TTN: variants seen among roughly 807,000 people sequenced by gnomAD.
The protein encoded by TTN is titin.
Under a neutral mutation model 3,223.0 loss-of-function variants are expected in TTN, and 1,525 were observed. The observed-to-expected ratio is 0.47, with a 90% CI of 0.45 to 0.49. The LOEUF (loss-of-function observed/expected upper bound fraction) is 0.49, where lower values mean the gene tolerates loss of function less well. Ranked by LOEUF, TTN falls within the 20% of genes least tolerant of loss-of-function variation. The probability of loss-of-function intolerance (pLI) is 0.00; values close to 1 mark genes in which losing one functional copy is unlikely to be tolerated. For synonymous variants in TTN, 14,094 were observed against 15,161.0 expected, an observed-to-expected ratio of 0.93 and a Z score of 5.17; for missense variants, 40,786 against 43,424.0, an observed-to-expected ratio of 0.94 and a Z score of 5.40.
At position 178,728,714 on chromosome 2, in the gene TTN, C is replaced by T; in HGVS notation, c.19212G>A (p.Leu6404=). 6.2e-7 allele frequency: 1 copy of T among 1,612,630 alleles called. No individual in the cohort carries two copies. The highest frequency in any genetic ancestry group is 1.1e-5 in the South Asian group (1 of 91,030). Residue 6404 remains leucine (L), a synonymous_variant, in exon 66 of 363, where the codon TTG becomes TTA. Coordinates refer to ENST00000589042, the MANE Select transcript of TTN (RefSeq NM_001267550.2). ...VDVTEKDPMT[L]ECVVAGTPEL... Reference sequence around the variant, plus strand: ...CTGGTGTTCCAGCCACAACACATTCCAAGGTCATGGGATCTTTCTCCGTAA... The same window carrying T: ...CTGGTGTTCCAGCCACAACACATTCTAAGGTCATGGGATCTTTCTCCGTAA...
rs1178377744 is a variant in TTN, at chr2:178,608,450, A to G, written c.52433T>C (p.Ile17478Thr). 5 of 1,605,390 alleles carry G rather than the reference A, an allele frequency of 3.1e-6. No individual in the cohort carries two copies. Among genetic ancestry groups the G allele is most frequent in the South Asian group, 1.1e-5 (1 of 89,768 alleles). The change falls in exon 275 of 363, where the codon ATT becomes ACT. Residue 17478 changes from isoleucine to threonine, a missense_variant. By Grantham distance (89) the Ile-to-Thr change is moderately conservative. Coordinates refer to ENST00000589042, the MANE Select transcript of TTN (RefSeq NM_001267550.2). Reference protein sequence around the residue: ...FGPPDAPDKPIVEDVTSNSML... With the variant: ...FGPPDAPDKPTVEDVTSNSML... ...ACTGTTGCTGGTAACATCTTCCACA[A>G]TGGGCTTATCTGGTGCATCAGGTGG... is the stretch of plus-strand genomic sequence containing the variant.
In TTN at chr2:178,547,530, T is replaced by G; in HGVS notation, c.94096A>C (p.Thr31366Pro). The G allele has an allele frequency of 6.2e-7, 1 of 1,613,724 alleles. No homozygotes were observed. ...WQLVNSSVKR[T>P]QIKVTHLTKY... ...GTGAGATGAGTGACTTTAATTTGAG[T>G]GCGCTTGACACTGGAATTGACAAGC... The change falls in exon 339 of 363, where the codon ACT (threonine) becomes CCT (proline). Residue 31366 changes from threonine (T) to proline (P), a missense_variant. By Grantham distance (38) the Thr-to-Pro change is conservative. Coordinates refer to ENST00000589042, the MANE Select transcript of TTN (RefSeq NM_001267550.2).
intron 236 of TTN, 84 bp from the exon 237 acceptor site, chr2:178,631,384 C>T (rs1418438974): frequency 2.9e-6 from 4 of 1,397,332 alleles, no homozygotes; most frequent in South Asian, 1.4e-5. Flanking sequence ...ACACAACTCA[C>T]AGAGTTCTGA....
Position 178,571,893 on chromosome 2 carries a change from C to T in TTN, c.74239G>A (p.Val24747Ile), listed in dbSNP as rs776245661. 6.2e-6 allele frequency: 10 copies of T among 1,613,394 alleles called. No individual in the cohort carries two copies. The highest frequency in any genetic ancestry group is 8.5e-6 in the Non-Finnish European group (10 of 1,179,582). Reference protein sequence around the residue: ...VPFIGRPTPAVTWHKDNVPLK... With the variant: ...VPFIGRPTPAITWHKDNVPLK... ...GGTACATTATCTTTATGCCAGGTTA[C>T]AGCTGGGGTAGGGCGGCCAATGAAT... The change falls in exon 326 of 363, where the codon GTA becomes ATA. Residue 24747 changes from valine (V) to isoleucine (I), a missense_variant. Val to Ile is a conservative substitution (Grantham distance 29). Coordinates refer to ENST00000589042, the MANE Select transcript of TTN (RefSeq NM_001267550.2).
rs768582792 is a variant in TTN, at chr2:178,636,407, C to A, written c.41320G>T (p.Val13774Phe). The A allele has an allele frequency of 1.2e-6, 2 of 1,602,866 alleles. No individual in the cohort carries two copies. Among genetic ancestry groups the A allele is most frequent in the East Asian group, 4.5e-5 (2 of 44,506 alleles). ...GAAGACTAGAAATTACCTTCTACAA[C>A]AAGTTTAGCCGTGGAGGTCTTTTCT... ...NKEKTSTAKL[V>F]VEELPVRFVK... Residue 13774 changes from valine to phenylalanine, a missense_variant, in exon 225 of 363, where the codon GTT becomes TTT. Val to Phe is a conservative substitution (Grantham distance 50). Transcript: ENST00000589042. The surrounding 1 kb of genome is among the most constrained non-coding windows in gnomAD (Gnocchi z 4.3).
At position 178,604,989 on chromosome 2, in the gene TTN, T is replaced by C. The variant is rs397517617; in HGVS notation, c.54188A>G (p.Tyr18063Cys). ...ATGTAAGAAAGCAAGTCACTTACCA[T>C]ATACTTCAACGTGAACATTTCGGAA... ...SVFRNVHVEV[Y>C]DRPSPPRNLA... is the part of the protein sequence containing the mutation. Residue 18063 changes from tyrosine to cysteine, a missense_variant and splice_region_variant, in exon 280 of 363, where the codon TAT becomes TGT. Physicochemically the swap from Tyr to Cys is radical, Grantham distance 194. Coordinates refer to ENST00000589042, the MANE Select transcript of TTN (RefSeq NM_001267550.2). The C allele has an allele frequency of 2.5e-6, 4 of 1,593,728 alleles. No homozygotes were observed. Among genetic ancestry groups the C allele is most frequent in the Non-Finnish European group, 2.6e-6 (3 of 1,168,694 alleles).
At position 178,714,306 on chromosome 2, in the gene TTN, G is replaced by T. The variant is rs368151971; in HGVS notation, c.26468C>A (p.Thr8823Lys). 1 of 1,612,478 alleles carries T rather than the reference G, an allele frequency of 6.2e-7. No individual in the cohort carries two copies. The highest frequency in any genetic ancestry group is 2.2e-5 in the East Asian group (1 of 44,850). The stretch of plus-strand genomic sequence containing the variant: ...TTTTTACTAACCGAGAACGGATAGC[G>T]TGGCGAAGCACTCTTGCATCCCAGC... ...NDAGMQECFA[T>K]LSVLEPATIV... The change falls in exon 91 of 363, where the codon ACG (threonine) becomes AAG (lysine). Residue 8823 changes from threonine (T) to lysine (K), a missense_variant. By Grantham distance (78) the Thr-to-Lys change is moderately conservative. Transcript: ENST00000589042.
Position 178,677,987 on chromosome 2 carries a change from T to C in TTN, c.33995-70A>G, listed in dbSNP as rs570880446. The C allele has an allele frequency of 1.6e-5, 25 of 1,564,266 alleles. No homozygotes were observed. In the African/African-American group the frequency reaches 3.0e-4, roughly 19 times the overall value. Reference sequence around the variant, plus strand: ...AAATATTCACAACAATGAAGAAGCTTATGAAAGGCAAATATTCTGTGATCA... The same window carrying C: ...AAATATTCACAACAATGAAGAAGCTCATGAAAGGCAAATATTCTGTGATCA... On this transcript the variant is annotated intron_variant, in intron 145 of 362. Transcript: ENST00000589042.
At chr2:178,554,394 T>G in intron 332 of TTN, 59 bp downstream of exon 332, 1 of 1,551,946 alleles carries the variant, frequency 6.4e-7, no homozygotes, top group Non-Finnish European at 8.8e-7. Context: ...ATGCACAGGT[T>G]AGCGTAGTTT....
chr2:178,530,987 G>T lies in TTN; in HGVS notation c.105628C>A (p.Gln35210Lys). The change falls in exon 358 of 363, where the codon CAA becomes AAA. Residue 35210 changes from glutamine to lysine, a missense_variant. Transcript: ENST00000589042. ...ATAGTCAGAGTGAACTCTGCTTCTT[G>T]TTTCCCTTCACTGTTTTCTACCACC... ...SVVVENSEGK[Q>K]EAEFTLTIQK... is the part of the protein sequence containing the mutation. The T allele has an allele frequency of 3.7e-6, 6 of 1,613,938 alleles. No homozygotes were observed. Among genetic ancestry groups the T allele is most frequent in the Non-Finnish European group, 5.1e-6 (6 of 1,179,870 alleles).
Position 178,647,080 on chromosome 2 carries a change from C to A in TTN, c.40206G>T (p.Glu13402Asp). ...EKASITIGRKETPPVEEREIE... is the reference protein window; with the variant it reads ...EKASITIGRKDTPPVEEREIE... ...TATATATACCTTCAACAGGGGGAGTCTCTTTTCTACCAATGGTTATAGATG... is the reference window on the plus strand; with the variant it reads ...TATATATACCTTCAACAGGGGGAGTATCTTTTCTACCAATGGTTATAGATG... The change falls in exon 215 of 363, where the codon GAG becomes GAT. Residue 13402 changes from glutamate to aspartate, a missense_variant. Coordinates refer to ENST00000589042, the MANE Select transcript of TTN (RefSeq NM_001267550.2). The A allele has an allele frequency of 7.5e-7, 1 of 1,342,102 alleles. No homozygotes were observed. Among genetic ancestry groups the A allele is most frequent in the South Asian group, 1.9e-5 (1 of 52,618 alleles). 83.1% of individuals were successfully genotyped at this position (1,342,102 alleles called of 1,614,324 possible).
chr2:178,747,825 A>G, intron 47 of TTN: 4 of 1,612,736 alleles, frequency 2.5e-6, no homozygotes, highest in Non-Finnish European at 3.4e-6. Flanking sequence ...TCTTCATAAC[A>G]TTTTTCTTCT....
At position 178,696,247 on chromosome 2, in the gene TTN, G is replaced by A; in HGVS notation, c.30825C>T (p.Ser10275=). The A allele has an allele frequency of 6.5e-7, 1 of 1,550,130 alleles. No individual in the cohort carries two copies. The change falls in exon 114 of 363, where the codon TCC becomes TCT. Residue 10275 remains serine, a synonymous_variant. Coordinates refer to ENST00000589042, the MANE Select transcript of TTN (RefSeq NM_001267550.2). ...TTATTTTTACTTCTTCAGCTTTAGA[G>A]GATACATCAATGATTTCAGGAGCTA... The part of the protein sequence containing the change: ...PAKAPEIIDV[S]SKAEEVKIMT...
chr2:178,650,342 G>A (rs954549946), intron 209 of TTN, 71 bp from the exon 210 acceptor site: 44 of 1,293,968 alleles, frequency 3.4e-5, no homozygotes, highest in African/African-American at 9.1e-5. Context: ...CACTAAACAC[G>A]ATAAATAGTA....
Position 178,576,979 on chromosome 2 carries a change from T to C in TTN, c.69356A>G (p.His23119Arg). The change falls in exon 324 of 363, where the codon CAC becomes CGC. Residue 23119 changes from histidine (H) to arginine (R), a missense_variant. His to Arg is a conservative substitution (Grantham distance 29, BLOSUM62 0). Coordinates refer to ENST00000589042, the MANE Select transcript of TTN (RefSeq NM_001267550.2). The surrounding 1 kb of genome is among the most constrained non-coding windows in gnomAD (Gnocchi z 4.3). ...EYIFRVSAVN[H>R]YGKGEPVQSE... Reference sequence around the variant, plus strand: ...CTGTACAGGTTCTCCTTTGCCATAGTGGTTTACAGCTGAGACCCGGAAGAT... The same window carrying C: ...CTGTACAGGTTCTCCTTTGCCATAGCGGTTTACAGCTGAGACCCGGAAGAT... 1 of 1,613,516 alleles carries C rather than the reference T, an allele frequency of 6.2e-7. No individual in the cohort carries two copies. Among genetic ancestry groups the C allele is most frequent in the Non-Finnish European group, 8.5e-7 (1 of 1,179,572 alleles).
At chr2:178,805,588 T>C (rs1247535862) in intron 1 of TTN, among the ~76,000 whole-genome samples, 1 of 152,138 alleles carries the variant, frequency 6.6e-6, no homozygotes, top group Non-Finnish European at 1.5e-5. Context: ...AAGCTTTTTG[T>C]AGACGGCATA....
intron 47 of TTN, 94 bp from the exon 48 acceptor site, chr2:178,742,015 T>A: frequency 1.1e-6 from 1 of 930,282 alleles, no homozygotes. Flanking sequence ...ATGGCCTTCT[T>A]CTGCTTTATT....
At chr2:178,651,820 G>C in intron 205 of TTN, 64 bp downstream of exon 205, 1 of 1,602,416 alleles carries the variant, frequency 6.2e-7, no homozygotes, top group East Asian at 2.3e-5. Flanking sequence ...AGAGCACCCA[G>C]AATTATCAGG....
In TTN at chr2:178,634,603, G is replaced by C. The variant is rs762418323; in HGVS notation, c.42178C>G (p.Leu14060Val). 4 of 1,613,280 alleles carry C rather than the reference G, an allele frequency of 2.5e-6. No homozygotes were observed. Among genetic ancestry groups the C allele is most frequent in the Non-Finnish European group, 3.4e-6 (4 of 1,179,502 alleles). ...KEIELDFAVP[L>V]KDVTVPERRQ... ...CTTTCTGGAACAGTGACATCCTTCAGGGGCACAGCAAAGTCAAGTTCGATT... is the reference window on the plus strand; with the variant it reads ...CTTTCTGGAACAGTGACATCCTTCACGGGCACAGCAAAGTCAAGTTCGATT... Residue 14060 changes from leucine (L) to valine (V), a missense_variant, in exon 230 of 363, where the codon CTG becomes GTG. Physicochemically the swap from Leu to Val is conservative, Grantham distance 32. Coordinates refer to ENST00000589042, the MANE Select transcript of TTN (RefSeq NM_001267550.2). This position sits in a 1 kb window ranked among gnomAD's most constrained non-coding sequence, Gnocchi z 4.6.
Sources: allele counts gnomAD v4.1 joint callset (sites outside exome capture counted in the v4.1 genomes callset), GRCh38; gene constraint gnomAD v4.1.1; non-coding constraint Gnocchi (gnomAD v3.1); transcripts MANE v1.5; gene names NCBI Gene and HGNC (gene_info 2026-07-23, HGNC 2026-07-21).